Variants in LTBP1 observed in about 807,000 individuals in gnomAD.
The protein encoded by LTBP1 is latent transforming growth factor beta binding protein 1.
LTBP1 carries 129 observed loss-of-function variants against 207.6 expected under a neutral mutation model. The observed-to-expected ratio is 0.62, with a 90% CI of 0.54 to 0.72. The LOEUF (loss-of-function observed/expected upper bound fraction) is 0.72. Ranked by LOEUF, LTBP1 falls within the 30% of genes least tolerant of loss-of-function variation. The pLI is 0.00. For missense variants in LTBP1, 2,281 were observed against 2,217.2 expected, an observed-to-expected ratio of 1.03 and a Z score of -0.58; for synonymous variants, 963 against 833.7, an observed-to-expected ratio of 1.16 and a Z score of -2.67.
chr2:33,048,729 G>A lies in LTBP1; in HGVS notation c.863+27523G>A, dbSNP rs189063919. The stretch of plus-strand genomic sequence containing the variant: ...TCCGTTGACAGGGGCTGACTCTTCA[G>A]AGAGGATTATCTCTACCTGATTAGG... On this transcript the variant is annotated intron_variant, in intron 3 of 33. Coordinates refer to ENST00000404816, the MANE Select transcript of LTBP1 (RefSeq NM_206943.4). Among the ~76,000 whole-genome samples, 314 of 152,262 alleles carry A rather than the reference G, an allele frequency of 2.1e-3. 1 individual carries two copies. Among genetic ancestry groups the A allele is most frequent in the Middle Eastern group, 0.017 (5 of 294 alleles).
At chr2:33,296,680 T>C (rs1055563489) in intron 20 of LTBP1, among the ~76,000 whole-genome samples, 1 of 152,134 alleles carries the variant, frequency 6.6e-6, no homozygotes. Context: ...AACAGCAATC[T>C]AATATCCAAG....
rs747190539 is a variant in LTBP1, at chr2:33,224,242, A to G, written c.1876+2091A>G. Among the ~76,000 whole-genome samples, 86 of 152,230 alleles carry G rather than the reference A, an allele frequency of 5.6e-4. 1 individual carries two copies. The highest frequency in any genetic ancestry group is 1.7e-3 in the African/African-American group (71 of 41,458). On this transcript the variant is annotated intron_variant, in intron 9 of 33. Transcript: ENST00000404816. ...CATTTCAAGGTTGTTGGGGAACTCT[A>G]TTCCACAGAAAAGGCTTTCTTGTAG...
chr2:33,331,245 T>A (rs1278827366), intron 24 of LTBP1, among the ~76,000 whole-genome samples: 1 of 151,528 alleles, frequency 6.6e-6, no homozygotes, highest in Non-Finnish European at 1.5e-5. Flanking sequence ...TTATTTTTTC[T>A]ATATTTTTTA....
chr2:33,264,829 A>G (rs569423708), intron 15 of LTBP1, among the ~76,000 whole-genome samples: 1 of 152,284 alleles, frequency 6.6e-6, no homozygotes, highest in Admixed American at 6.5e-5. Flanking sequence ...ATGTAGAAAG[A>G]GCTTTATTGT....
intron 31 of LTBP1, among the ~76,000 whole-genome samples, chr2:33,386,422 C>G (rs987998671): frequency 2.0e-5 from 3 of 152,244 alleles, no homozygotes; most frequent in South Asian, 2.1e-4. Context: ...CCTGGCCAGC[C>G]CCTGATCATG....
At chr2:32,977,232 T>G (rs1681941480) in intron 2 of LTBP1, among the ~76,000 whole-genome samples, 1 of 152,178 alleles carries the variant, frequency 6.6e-6, no homozygotes, top group South Asian at 2.1e-4. Context: ...AGGTTAAGTC[T>G]GCCTGCTGAG....
chr2:32,962,350 G>T (rs1679257492), intron 2 of LTBP1, among the ~76,000 whole-genome samples: 1 of 152,190 alleles, frequency 6.6e-6, no homozygotes, highest in Non-Finnish European at 1.5e-5. Context: ...TAGTGAAAAG[G>T]TTATGTTAAG....
In LTBP1 at chr2:33,280,049, A is replaced by G. The variant is rs1459939115; in HGVS notation, c.3003A>G (p.Glu1001=). Residue 1001 remains glutamate, a synonymous_variant, in exon 19 of 34, where the codon GAA becomes GAG. Transcript: ENST00000404816. ...TTTTTGATTTTTCAGATATTGATGA[A>G]TGTTTGAATCCAAGCACTTGTCCAG... ...TQRGRCEDID[E]CLNPSTCPDE... is the part of the protein sequence containing the mutation. The G allele has an allele frequency of 1.2e-6, 2 of 1,613,838 alleles. No homozygotes were observed. Among genetic ancestry groups the G allele is most frequent in the Non-Finnish European group, 1.7e-6 (2 of 1,179,954 alleles).
chr2:33,245,729 A>G (rs922856042), intron 10 of LTBP1, among the ~76,000 whole-genome samples: 1 of 152,266 alleles, frequency 6.6e-6, no homozygotes, highest in Non-Finnish European at 1.5e-5. Context: ...TCACATGAAT[A>G]AATATGTTAA....
At chr2:33,322,569 A>T (rs551311759) in intron 24 of LTBP1, among the ~76,000 whole-genome samples, 1 of 152,348 alleles carries the variant, frequency 6.6e-6, no homozygotes, top group East Asian at 1.9e-4. Flanking sequence ...AGTAGCAAGA[A>T]TAATGTATAA....
intron 26 of LTBP1, among the ~76,000 whole-genome samples, chr2:33,354,715 CA>C (rs1467673613): frequency 3.0e-5 from 4 of 134,756 alleles, no homozygotes; most frequent in African/African-American, 1.0e-4. Flanking sequence ...CACACACACA[CA>C]CACACACACA....
intron 4 of LTBP1, among the ~76,000 whole-genome samples, chr2:33,119,268 C>G (rs996136348): frequency 6.6e-6 from 1 of 152,030 alleles, no homozygotes; most frequent in Non-Finnish European, 1.5e-5. Context: ...CCTCCTCAGC[C>G]TTAGGATACC....
At chr2:33,030,349 C>A (rs1278274319) in intron 3 of LTBP1, among the ~76,000 whole-genome samples, 1 of 152,164 alleles carries the variant, frequency 6.6e-6, no homozygotes, top group East Asian at 1.9e-4. Context: ...GCACAAGCAA[C>A]CATTTTCCCC....
intron 3 of LTBP1, among the ~76,000 whole-genome samples, chr2:33,099,086 T>A (rs1050681375): frequency 2.0e-5 from 3 of 152,202 alleles, no homozygotes; most frequent in African/African-American, 7.2e-5. Flanking sequence ...TATATTGGCT[T>A]TAGGGGAAAA....
intron 24 of LTBP1, among the ~76,000 whole-genome samples, chr2:33,332,386 A>G (rs2094504829): frequency 6.7e-6 from 1 of 148,830 alleles, no homozygotes; most frequent in Non-Finnish European, 1.5e-5. Flanking sequence ...AAAAAAAAAA[A>G]AAAAAAAAAA....
chr2:33,086,891 A>AT (rs1446922593), intron 3 of LTBP1, among the ~76,000 whole-genome samples: 6 of 149,966 alleles, frequency 4.0e-5, no homozygotes, highest in African/African-American at 7.3e-5. Flanking sequence ...ATATTTATTT[A>AT]TTTTTTTTGG....
At chr2:33,358,582 T>C (rs1168471010) in intron 26 of LTBP1, among the ~76,000 whole-genome samples, 1 of 152,142 alleles carries the variant, frequency 6.6e-6, no homozygotes, top group East Asian at 1.9e-4. Flanking sequence ...CACCATGACA[T>C]ACTTACAACT....
chr2:33,389,487 G>A (rs6749614), intron 32 of LTBP1, among the ~76,000 whole-genome samples, 181 bp downstream of exon 32: 21,603 of 151,976 alleles, frequency 0.14, 1,961 homozygotes, highest in African/African-American at 0.25. Context: ...GTCCTTCTGC[G>A]TGGGTGAGTC....
intron 1 of LTBP1, 29 bp downstream of exon 1, chr2:32,947,847 G>C (rs1676451706): frequency 3.1e-6 from 4 of 1,277,594 alleles, no homozygotes; most frequent in Non-Finnish European, 4.0e-6. Context: ...CCGCCCGCCC[G>C]CCCGCCTCGC....
Sources: allele counts gnomAD v4.1 joint callset (sites outside exome capture counted in the v4.1 genomes callset), GRCh38; gene constraint gnomAD v4.1.1; transcripts MANE v1.5; gene names NCBI Gene and HGNC (gene_info 2026-07-23, HGNC 2026-07-21).